The following SNX16 variants were observed in gnomAD, a reference collection of about 807,000 sequenced individuals.
SNX16 encodes sorting nexin-16.
A neutral mutation model predicts 36.7 loss-of-function variants in SNX16; 35 were observed. That is an observed-to-expected ratio of 0.95 (90% CI 0.73 to 1.27). The LOEUF (loss-of-function observed/expected upper bound fraction) is 1.27. Ranked by LOEUF, SNX16 falls within the 50% of genes most tolerant of loss-of-function variation. SNX16 has a pLI of 0.00. For synonymous variants in SNX16, 134 were observed against 132.0 expected, an observed-to-expected ratio of 1.02 and a Z score of -0.10; for missense variants, 367 against 393.6, an observed-to-expected ratio of 0.93 and a Z score of 0.57.
At chr8:81,832,654 A>G (rs1329888631) in intron 2 of SNX16, among the ~76,000 whole-genome samples, 1 of 152,026 alleles carries the variant, frequency 6.6e-6, no homozygotes, top group Non-Finnish European at 1.5e-5. Flanking sequence ...TATGTAGGCT[A>G]CTGAGTAGAA....
chr8:81,807,959 C>T, intron 5 of SNX16: 2 of 786,584 alleles, frequency 2.5e-6, no homozygotes, highest in South Asian at 1.3e-5. Context: ...GTCACATATG[C>T]CACTGTGGGG....
At chr8:81,808,652 A>C in intron 5 of SNX16, 1 of 956,962 alleles carries the variant, frequency 1.0e-6, no homozygotes, top group Non-Finnish European at 1.7e-6. Flanking sequence ...GTGGAGGCCA[A>C]TACTTTGCCA....
intron 4 of SNX16, among the ~76,000 whole-genome samples, chr8:81,822,426 G>A (rs965574335): frequency 9.2e-5 from 14 of 152,060 alleles, no homozygotes; most frequent in African/African-American, 3.4e-4. Flanking sequence ...AGATTGAAAA[G>A]AAGGCAGGCA....
At chr8:81,830,935 A>G (rs574610968) in intron 2 of SNX16, among the ~76,000 whole-genome samples, 1 of 152,234 alleles carries the variant, frequency 6.6e-6, no homozygotes, top group African/African-American at 2.4e-5. Flanking sequence ...CCAATGGAAG[A>G]TAATAGAGAA....
chr8:81,811,519 T>C (rs1362089830), intron 5 of SNX16, among the ~76,000 whole-genome samples: 1 of 152,114 alleles, frequency 6.6e-6, no homozygotes, highest in Non-Finnish European at 1.5e-5. Flanking sequence ...TGACCAACTG[T>C]TGACTGAACA....
chr8:81,832,228 T>C (rs1165952678), intron 2 of SNX16, among the ~76,000 whole-genome samples: 3 of 152,170 alleles, frequency 2.0e-5, no homozygotes, highest in Admixed American at 6.6e-5. Flanking sequence ...GAATACTATA[T>C]AGCCATAAAA....
rs1809603319 is a variant in SNX16 at position 81,799,808 on chromosome 8, T to C, written c.*1689A>G. On this transcript the variant is annotated 3_prime_UTR_variant, in exon 8 of 8. Transcript: ENST00000345957. Reference sequence around the variant, plus strand: ...AGGCAACACTATAATATCTAGAATTTGGCAAAGATCTGTTATATAAGATAC... The same window carrying C: ...AGGCAACACTATAATATCTAGAATTCGGCAAAGATCTGTTATATAAGATAC... 6.6e-6 allele frequency: 1 copy of C among 151,940 alleles called. No homozygotes were observed. The highest frequency in any genetic ancestry group is 6.5e-5 in the Admixed American group (1 of 15,270). The allele number at this position is 151,940 out of a possible 1,614,324, so 9.4% of individuals were successfully genotyped here.
At chr8:81,825,907 A>G (rs543298242) in intron 3 of SNX16, among the ~76,000 whole-genome samples, 33 of 152,296 alleles carry the variant, frequency 2.2e-4, no homozygotes, top group Admixed American at 2.2e-3. Context: ...TATTTAATGT[A>G]TCTGGACAGA....
chr8:81,807,268 C>T (rs1002363452), intron 5 of SNX16, among the ~76,000 whole-genome samples: 2 of 151,882 alleles, frequency 1.3e-5, no homozygotes, highest in Admixed American at 6.6e-5. Flanking sequence ...CCTGTAATCC[C>T]AGCACTTTGG....
chr8:81,817,196 T>A (rs1035249133), intron 4 of SNX16, among the ~76,000 whole-genome samples: 1 of 152,222 alleles, frequency 6.6e-6, no homozygotes, highest in East Asian at 1.9e-4. Context: ...ATATGACAAA[T>A]GTGAGACATT....
At chr8:81,840,224 T>A in intron 1 of SNX16, 142 bp from the exon 2 acceptor site, 1 of 400,014 alleles carries the variant, frequency 2.5e-6, no homozygotes, top group Non-Finnish European at 4.4e-6. Flanking sequence ...CAGTTGTCTT[T>A]AAGGACTCCT....
In SNX16 at chr8:81,826,327, A is replaced by G. The variant is rs146598400; in HGVS notation, c.463-2387T>C. 2.9e-3 allele frequency among the ~76,000 whole-genome samples: 448 copies of G among 152,258 alleles called. 2 individuals are homozygous for G. The highest frequency in any genetic ancestry group is 0.01 in the African/African-American group (433 of 41,542). On this transcript the variant is annotated intron_variant, in intron 3 of 7. Coordinates refer to ENST00000345957, the MANE Select transcript of SNX16 (RefSeq NM_152836.3). ...GTTGCATCTGCCACAGATTTTTTAT[A>G]TGAACCTGGAATGTCTTGACAATGA... is the stretch of plus-strand genomic sequence containing the variant.
intron 5 of SNX16, among the ~76,000 whole-genome samples, chr8:81,807,378 A>G (rs2635488): frequency 0.25 from 37,411 of 151,114 alleles, 5,136 homozygotes; most frequent in East Asian, 0.37. Context: ...AATTAGCTGG[A>G]TGTGGTGGTG....
chr8:81,803,435 A>G (rs1243878201), intron 5 of SNX16, among the ~76,000 whole-genome samples: 1 of 151,994 alleles, frequency 6.6e-6, no homozygotes, highest in Non-Finnish European at 1.5e-5. Flanking sequence ...CACCAGGGGG[A>G]CATAACTACA....
At chr8:81,820,240 C>G (rs1280950359) in intron 4 of SNX16, among the ~76,000 whole-genome samples, 1 of 150,878 alleles carries the variant, frequency 6.6e-6, no homozygotes, top group African/African-American at 2.5e-5. Flanking sequence ...GATTTCCCCC[C>G]CTTCCTTTTT....
At chr8:81,801,894 G>T (rs1453746464) in intron 7 of SNX16, among the ~76,000 whole-genome samples, 8 of 151,624 alleles carry the variant, frequency 5.3e-5, no homozygotes, top group South Asian at 2.1e-4. Flanking sequence ...CAGAATTATA[G>T]TTGACCATTA....
chr8:81,831,770 A>T (rs1326167801), intron 2 of SNX16, among the ~76,000 whole-genome samples: 2 of 152,068 alleles, frequency 1.3e-5, no homozygotes, highest in Non-Finnish European at 2.9e-5. Context: ...ACATGAACAG[A>T]TACTTCTTAA....
chr8:81,822,071 G>A (rs1219800530), intron 4 of SNX16, among the ~76,000 whole-genome samples: 1 of 151,118 alleles, frequency 6.6e-6, no homozygotes, highest in Non-Finnish European at 1.5e-5. Flanking sequence ...TTCATTACCT[G>A]TGGGTGATGA....
intron 5 of SNX16, among the ~76,000 whole-genome samples, chr8:81,805,729 C>T (rs893531451): frequency 1.3e-5 from 2 of 152,202 alleles, no homozygotes; most frequent in Admixed American, 1.3e-4. Flanking sequence ...ACCATCCTGG[C>T]TAGCACAGTG....
Sources: allele counts gnomAD v4.1 joint callset (sites outside exome capture counted in the v4.1 genomes callset), GRCh38; gene constraint gnomAD v4.1.1; transcripts MANE v1.5; gene names NCBI Gene and HGNC (gene_info 2026-07-23, HGNC 2026-07-21).